EYS: variants seen among roughly 807,000 people sequenced by gnomAD.
EYS encodes the protein protein eyes shut homolog.
A neutral mutation model predicts 282.1 loss-of-function variants in EYS; 250 were observed. The observed-to-expected ratio is 0.89, with a 90% confidence interval of 0.80 to 0.98. The LOEUF (loss-of-function observed/expected upper bound fraction) is 0.98, where lower values mean the gene tolerates loss of function less well. Ranked by LOEUF, EYS falls within the 50% of genes least tolerant of loss-of-function variation. The pLI, the probability that EYS is intolerant of heterozygous loss-of-function variation, is 0.00. For missense variants in EYS, 4,016 were observed against 3,709.0 expected (o/e 1.08, Z -2.15); for synonymous variants, 1,355 against 1,282.9 (o/e 1.06, Z -1.20).
At chr6:64,545,981 A>G (rs1365356921) in intron 26 of EYS, among the ~76,000 whole-genome samples, 1 of 152,206 alleles carries the variant, frequency 6.6e-6, no homozygotes, top group Non-Finnish European at 1.5e-5. Context: ...CATCCCCATC[A>G]AGTTAACAAT....
intron 5 of EYS, among the ~76,000 whole-genome samples, chr6:65,445,130 A>T (rs1049737637): frequency 6.6e-6 from 1 of 151,588 alleles, no homozygotes; most frequent in Non-Finnish European, 1.5e-5. Flanking sequence ...GATAGTTTTG[A>T]TTGTTAATGT....
intron 35 of EYS, among the ~76,000 whole-genome samples, chr6:63,892,603 A>G (rs543085617): frequency 1.3e-5 from 2 of 152,254 alleles, no homozygotes; most frequent in East Asian, 3.9e-4. Flanking sequence ...ACATTTAAAC[A>G]TAAGACCTAA....
chr6:64,085,338 GCGCACACA>G (rs1772117498), intron 31 of EYS, among the ~76,000 whole-genome samples: 1 of 85,554 alleles, frequency 1.2e-5, no homozygotes, highest in African/African-American at 4.6e-5. Context: ...GCACGTGCGC[GCGCACACA>G]CACACACACA....
In EYS at chr6:65,575,002, C is replaced by T. The variant is rs2041834523; in HGVS notation, c.-333+64776G>A. On this transcript the variant is annotated intron_variant, in intron 2 of 42. Transcript: ENST00000503581. ...ATAGAACTATTTGAAAATTAAACAG[C>T]ATGGTCCTAAGCAACAAACAGGTCA... Among the ~76,000 whole-genome samples, 3 of 151,986 alleles carry T rather than the reference C, an allele frequency of 2.0e-5. No individual in the cohort carries two copies. The South Asian group carries it at 6.2e-4, about 31-fold the overall frequency.
Position 63,721,357 on chromosome 6 carries a change from C to T in EYS, c.8674G>A (p.Val2892Ile), listed in dbSNP as rs1326290203. 1.8e-5 allele frequency: 28 copies of T among 1,551,812 alleles called. No individual in the cohort carries two copies. Among genetic ancestry groups the T allele is most frequent in the East Asian group, 2.4e-5 (1 of 40,930 alleles). The change falls in exon 43 of 43, where the codon GTA becomes ATA. Residue 2892 changes from valine to isoleucine, a missense_variant. Coordinates refer to ENST00000503581, the MANE Select transcript of EYS (RefSeq NM_001142800.2). Reference protein sequence around the residue: ...NTCRNGGECTVNGTTFSCRCL... With the variant: ...NTCRNGGECTINGTTFSCRCL... ...CTGCAAGAAAAAGTTGTGCCATTTA[C>T]TGTACATTCACCTCCATTTCTGCAT...
chr6:65,146,635 G>A (rs547271003), intron 12 of EYS, among the ~76,000 whole-genome samples: 1 of 151,954 alleles, frequency 6.6e-6, no homozygotes, highest in East Asian at 1.9e-4. Flanking sequence ...CTTTTTGCAT[G>A]TATTTGGTTA....
chr6:64,735,311 C>T (rs1263969887), intron 22 of EYS, among the ~76,000 whole-genome samples: 1 of 152,150 alleles, frequency 6.6e-6, no homozygotes, highest in Admixed American at 6.5e-5. Flanking sequence ...TCTCGATCTC[C>T]TGACCTCGTG....
intron 26 of EYS, among the ~76,000 whole-genome samples, chr6:64,459,889 T>C: frequency 6.6e-6 from 1 of 151,446 alleles, no homozygotes; most frequent in Middle Eastern, 3.4e-3. Context: ...GCATCCTTCA[T>C]TCCAATCAAG....
At chr6:65,621,610 T>C (rs1766498110) in intron 2 of EYS, among the ~76,000 whole-genome samples, 1 of 151,818 alleles carries the variant, frequency 6.6e-6, no homozygotes. Context: ...TGTTAGCTGG[T>C]TATTTTGCTT....
rs1254416859 is a variant in EYS at position 64,131,024 on chromosome 6, T to C, written c.6425-49022A>G. 3.9e-5 allele frequency among the ~76,000 whole-genome samples: 6 copies of C among 152,168 alleles called. No individual in the cohort carries two copies. In the East Asian group the frequency reaches 5.8e-4, roughly 15 times the overall value. On this transcript the variant is annotated intron_variant, in intron 31 of 42. Coordinates refer to ENST00000503581, the MANE Select transcript of EYS (RefSeq NM_001142800.2). The stretch of plus-strand genomic sequence containing the variant: ...CTGGGATTATAGGCGTGTGCCACCA[T>C]GCCCGGCTAATTTTTGTATTTTTAG...
intron 2 of EYS, among the ~76,000 whole-genome samples, chr6:65,633,444 A>G (rs778937151): frequency 6.6e-6 from 1 of 152,192 alleles, no homozygotes; most frequent in Non-Finnish European, 1.5e-5. Flanking sequence ...TTTTCATTTT[A>G]TTTCACATTA....
chr6:65,267,510 C>T (rs1425971373), intron 12 of EYS, among the ~76,000 whole-genome samples: 1 of 151,950 alleles, frequency 6.6e-6, no homozygotes, highest in Non-Finnish European at 1.5e-5. Flanking sequence ...GGGTTTCACC[C>T]TAGATCTGAT....
intron 24 of EYS, among the ~76,000 whole-genome samples, chr6:64,598,112 A>C (rs1363087723): frequency 1.3e-5 from 2 of 152,204 alleles, no homozygotes; most frequent in East Asian, 3.8e-4. Flanking sequence ...AAACAAAAAC[A>C]CAGGGTCAAC....
At chr6:64,978,926 G>A (rs1225324577) in intron 14 of EYS, among the ~76,000 whole-genome samples, 1 of 151,852 alleles carries the variant, frequency 6.6e-6, no homozygotes, top group Non-Finnish European at 1.5e-5. Context: ...TTATGGATGA[G>A]CAAAGAAAGC....
intron 22 of EYS, among the ~76,000 whole-genome samples, chr6:64,804,674 A>T (rs1352269154): frequency 6.6e-6 from 1 of 152,164 alleles, no homozygotes; most frequent in Non-Finnish European, 1.5e-5. Context: ...ATACTAAAGC[A>T]ACCTATGTTT....
chr6:65,064,037 G>T (rs1286865546), intron 12 of EYS, among the ~76,000 whole-genome samples: 1 of 149,926 alleles, frequency 6.7e-6, no homozygotes, highest in Non-Finnish European at 1.5e-5. Context: ...TTTACACTAG[G>T]CTATATACTA....
chr6:65,025,540 T>C lies in EYS; in HGVS notation c.2138-27837A>G, dbSNP rs193176868. On this transcript the variant is annotated intron_variant, in intron 13 of 42. Coordinates refer to ENST00000503581, the MANE Select transcript of EYS (RefSeq NM_001142800.2). ...GAAAATAATTATTTTGTTCAGTAAA[T>C]AAACAGTAAAGAAACATGGTATAAG... 4.7e-3 allele frequency among the ~76,000 whole-genome samples: 713 copies of C among 152,262 alleles called. 6 individuals carry two copies. Among genetic ancestry groups the C allele is most frequent in the Non-Finnish European group, 4.9e-3 (334 of 68,008 alleles).
intron 33 of EYS, among the ~76,000 whole-genome samples, chr6:64,046,870 T>A (rs1170580410): frequency 2.6e-5 from 4 of 152,344 alleles, no homozygotes; most frequent in African/African-American, 9.6e-5. Context: ...GCTCTATACA[T>A]TTTCCATTCT....
At chr6:63,723,602 A>G (rs1768493125) in intron 42 of EYS, among the ~76,000 whole-genome samples, 1 of 152,120 alleles carries the variant, frequency 6.6e-6, no homozygotes. Flanking sequence ...AGAAAGAGCA[A>G]GGATAGCTTC....
Sources: allele counts gnomAD v4.1 joint callset (sites outside exome capture counted in the v4.1 genomes callset), GRCh38; gene constraint gnomAD v4.1.1; transcripts MANE v1.5; gene names NCBI Gene and HGNC (gene_info 2026-07-23, HGNC 2026-07-21).